TTC23: variants seen among roughly 807,000 people sequenced by gnomAD.
TTC23 encodes tetratricopeptide repeat protein 23.
A neutral mutation model predicts 55.1 loss-of-function variants in TTC23; 58 were observed. The observed-to-expected ratio is 1.05, with a 90% CI of 0.85 to 1.31. The LOEUF is 1.31. Ranked by LOEUF, TTC23 falls within the 50% of genes most tolerant of loss-of-function variation. The pLI, the probability that TTC23 is intolerant of heterozygous loss-of-function variation, is 0.00. For missense variants in TTC23, 516 were observed against 534.4 expected, an observed-to-expected ratio of 0.97 and a Z score of 0.34; for synonymous variants, 203 against 199.9, an observed-to-expected ratio of 1.02 and a Z score of -0.13.
At chr15:99,188,212 A>C (rs1299665213) in intron 9 of TTC23, among the ~76,000 whole-genome samples, 2 of 152,066 alleles carry the variant, frequency 1.3e-5, no homozygotes, top group Non-Finnish European at 2.9e-5. Context: ...ATCTTGAAGA[A>C]ATTATGCTAA....
intron 8 of TTC23, among the ~76,000 whole-genome samples, chr15:99,200,610 A>C (rs191185342): frequency 1.0e-3 from 158 of 152,342 alleles, no homozygotes; most frequent in Admixed American, 5.2e-3. Context: ...CACTCTCATC[A>C]ACTGTTGAGG....
chr15:99,237,310 G>T (rs1157332548), intron 3 of TTC23, among the ~76,000 whole-genome samples: 2 of 152,032 alleles, frequency 1.3e-5, no homozygotes, highest in Non-Finnish European at 2.9e-5. Context: ...AGAGAGAAAT[G>T]AAAGCATGTA....
intron 5 of TTC23, among the ~76,000 whole-genome samples, chr15:99,228,077 T>C (rs1031374668): frequency 6.6e-6 from 1 of 152,218 alleles, no homozygotes; most frequent in Admixed American, 6.5e-5. Context: ...ACCTGGCACA[T>C]ATTAGTCATA....
intron 4 of TTC23, among the ~76,000 whole-genome samples, chr15:99,229,035 A>ATGTATT (rs1298800730): frequency 6.6e-6 from 1 of 152,118 alleles, no homozygotes; most frequent in Non-Finnish European, 1.5e-5. Flanking sequence ...ATACATACGT[A>ATGTATT]AAGTCCAGTA....
chr15:99,243,560 C>A (rs2079988345), intron 2 of TTC23, among the ~76,000 whole-genome samples: 1 of 152,196 alleles, frequency 6.6e-6, no homozygotes, highest in Non-Finnish European at 1.5e-5. Context: ...GCAGCTCTAT[C>A]CACAACAGCC....
chr15:99,150,525 A>G (rs2069570080), intron 12 of TTC23, among the ~76,000 whole-genome samples: 1 of 152,240 alleles, frequency 6.6e-6, no homozygotes, highest in Non-Finnish European at 1.5e-5. Flanking sequence ...AAATTTCCAC[A>G]AATTTCTTCT....
intron 8 of TTC23, 82 bp from the exon 9 acceptor site, chr15:99,200,178 T>C: frequency 4.8e-6 from 6 of 1,256,900 alleles, no homozygotes; most frequent in Non-Finnish European, 6.4e-6. Context: ...AGTTGGGATG[T>C]GACTCTTTGA....
intron 4 of TTC23, among the ~76,000 whole-genome samples, chr15:99,229,150 T>C (rs1373998492): frequency 6.6e-6 from 1 of 151,916 alleles, no homozygotes; most frequent in African/African-American, 2.4e-5. Flanking sequence ...TACATATATA[T>C]ATATATATCT....
At chr15:99,215,846 T>C (rs189447327) in intron 8 of TTC23, among the ~76,000 whole-genome samples, 63 of 152,250 alleles carry the variant, frequency 4.1e-4, no homozygotes, top group Non-Finnish European at 2.9e-5. Context: ...ATTTGATTAA[T>C]CTAAAAGAAA....
chr15:99,239,283 A>C (rs2079568896), intron 3 of TTC23, among the ~76,000 whole-genome samples: 1 of 152,164 alleles, frequency 6.6e-6, no homozygotes, highest in Non-Finnish European at 1.5e-5. Context: ...TCAGGAGTTC[A>C]AGACCACCCT....
At chr15:99,185,311 C>T (rs975734695) in intron 9 of TTC23, among the ~76,000 whole-genome samples, 19 of 152,152 alleles carry the variant, frequency 1.2e-4, no homozygotes, top group Admixed American at 8.5e-4. Context: ...CAATAAGAAG[C>T]GCGACCATTA....
At chr15:99,172,210 G>C (rs2073041706) in intron 10 of TTC23, among the ~76,000 whole-genome samples, 1 of 151,816 alleles carries the variant, frequency 6.6e-6, no homozygotes, top group South Asian at 2.1e-4. Context: ...TAGAGACGGG[G>C]TTTCATTATG....
chr15:99,227,962 C>T (rs1320726318), intron 5 of TTC23, among the ~76,000 whole-genome samples: 1 of 152,232 alleles, frequency 6.6e-6, no homozygotes, highest in Non-Finnish European at 1.5e-5. Context: ...ACTCATCAAC[C>T]TGACTACCAT....
intron 9 of TTC23, among the ~76,000 whole-genome samples, chr15:99,187,460 A>AAAAAAAAAAG (rs2074795740): frequency 1.4e-5 from 2 of 142,922 alleles, no homozygotes; most frequent in Non-Finnish European, 3.0e-5. Context: ...AGCAAAAAAA[A>AAAAAAAAAAG]AAAAAAAACA....
intron 3 of TTC23, among the ~76,000 whole-genome samples, chr15:99,239,949 C>T (rs1002894424): frequency 3.9e-5 from 6 of 152,206 alleles, no homozygotes; most frequent in African/African-American, 1.4e-4. Context: ...ATCAGTTGCA[C>T]ATCACACAGC....
intron 9 of TTC23, among the ~76,000 whole-genome samples, chr15:99,192,175 T>C (rs931708426): frequency 6.6e-6 from 1 of 152,158 alleles, no homozygotes; most frequent in Non-Finnish European, 1.5e-5. Context: ...GCAAAAATGT[T>C]TGGAAAATTT....
intron 13 of TTC23, chr15:99,139,022 G>A (rs1454459022): frequency 1.3e-5 from 6 of 449,142 alleles, no homozygotes; most frequent in Non-Finnish European, 2.1e-5. Context: ...GGAGGCCACA[G>A]GGATTCCCGG....
intron 12 of TTC23, among the ~76,000 whole-genome samples, chr15:99,143,920 A>G (rs1555491624): frequency 6.6e-6 from 1 of 152,166 alleles, no homozygotes; most frequent in Non-Finnish European, 1.5e-5. Context: ...GGAGATTCTT[A>G]CATGGAGCCT....
chr15:99,196,924 G>C (rs995307010), intron 9 of TTC23, among the ~76,000 whole-genome samples: 1 of 152,126 alleles, frequency 6.6e-6, no homozygotes, highest in African/African-American at 2.4e-5. Context: ...CAAGCAGAGG[G>C]AGCTTCTTAT....
Sources: gnomAD v4.1 joint callset for allele counts (sites outside exome capture counted in the v4.1 genomes callset) on GRCh38, gnomAD v4.1.1 for gene constraint, MANE v1.5 for transcripts, NCBI Gene and HGNC (gene_info 2026-07-23, HGNC 2026-07-21) for gene names.